The following HHIP variants were observed in gnomAD, a reference collection of about 807,000 sequenced individuals.
HHIP encodes the protein hedgehog interacting protein.
A neutral mutation model predicts 74.0 loss-of-function variants in HHIP; 12 were observed. That is an observed-to-expected ratio of 0.16 (90% CI 0.10 to 0.26). The LOEUF is 0.26. Among genes scored for constraint, HHIP ranks in the 10% least tolerant of loss-of-function variants. The probability of loss-of-function intolerance (pLI) is 1.00; values close to 1 mark genes in which losing one functional copy is unlikely to be tolerated. For missense variants in HHIP, 788 were observed against 845.0 expected, an observed-to-expected ratio of 0.93 and a Z score of 0.84; for synonymous variants, 309 against 311.6, an observed-to-expected ratio of 0.99 and a Z score of 0.09.
At chr4:144,695,682 G>GA (rs1407073118) in intron 4 of HHIP, among the ~76,000 whole-genome samples, 1 of 151,500 alleles carries the variant, frequency 6.6e-6, no homozygotes, top group Non-Finnish European at 1.5e-5. Flanking sequence ...ATATTTTAAT[G>GA]AAAAAACGAT....
intron 7 of HHIP, among the ~76,000 whole-genome samples, chr4:144,710,780 A>G (rs898240312): frequency 1.3e-5 from 2 of 152,178 alleles, no homozygotes; most frequent in African/African-American, 2.4e-5. Context: ...TAAACACCCT[A>G]CAGTTGGCAG....
At chr4:144,656,918 A>C (rs544812774) in intron 2 of HHIP, among the ~76,000 whole-genome samples, 2 of 152,064 alleles carry the variant, frequency 1.3e-5, no homozygotes, top group African/African-American at 4.8e-5. Flanking sequence ...ATTTTTTTTC[A>C]AAGAAAAATA....
Position 144,646,672 on chromosome 4 carries a change from G to GA in HHIP, c.-3dup. The GA allele has an allele frequency of 6.2e-7, 1 of 1,613,578 alleles. No individual in the cohort carries two copies. ...CGCCCAGCCCCTGCTGCTCTGGGCAGACGATGCTGAAGATGCTCTCCTTTA... is the reference window on the plus strand; with the variant it reads ...CGCCCAGCCCCTGCTGCTCTGGGCAGAACGATGCTGAAGATGCTCTCCTTTA... On this transcript the variant is annotated 5_prime_UTR_variant, in exon 1 of 13. Transcript: ENST00000296575.
chr4:144,707,469 T>C (rs977555154), intron 6 of HHIP, among the ~76,000 whole-genome samples: 9 of 152,052 alleles, frequency 5.9e-5, no homozygotes, highest in African/African-American at 2.2e-4. Flanking sequence ...AAAGAGTTAC[T>C]GTTGTGTAGT....
chr4:144,721,586 T>C (rs1246567301), intron 11 of HHIP, among the ~76,000 whole-genome samples: 1 of 133,074 alleles, frequency 7.5e-6, no homozygotes, highest in Non-Finnish European at 1.6e-5. Context: ...ACTCAGGAGT[T>C]ATTTAAGGAA....
intron 4 of HHIP, among the ~76,000 whole-genome samples, chr4:144,684,015 A>T (rs1729412827): frequency 6.6e-6 from 1 of 150,626 alleles, no homozygotes; most frequent in African/African-American, 2.4e-5. Context: ...GTGAGCTGAG[A>T]TTGCACCACT....
intron 4 of HHIP, among the ~76,000 whole-genome samples, chr4:144,686,941 T>C (rs1233469592): frequency 6.6e-6 from 1 of 151,900 alleles, no homozygotes; most frequent in African/African-American, 2.4e-5. Flanking sequence ...TTAGCCTCTA[T>C]TTATTTCCAA....
At chr4:144,649,061 T>C (rs1287483898) in intron 1 of HHIP, among the ~76,000 whole-genome samples, 4 of 152,214 alleles carry the variant, frequency 2.6e-5, no homozygotes, top group African/African-American at 9.6e-5. Flanking sequence ...TCTTGACCTA[T>C]GTTAGTTTTC....
At position 144,740,445 on chromosome 4, in the gene HHIP, A is replaced by T. The variant is rs1193845404; in HGVS notation, c.*2488A>T. The T allele has an allele frequency of 1.3e-5, 2 of 152,178 alleles. No individual in the cohort carries two copies. Among genetic ancestry groups the T allele is most frequent in the Non-Finnish European group, 2.9e-5 (2 of 68,026 alleles). The allele number at this position is 152,178 out of a possible 1,614,324, so 9.4% of individuals were successfully genotyped here. A position where few individuals can be genotyped will look rare whatever the true frequency, so the allele number is the denominator to read the frequency against. On this transcript the variant is annotated 3_prime_UTR_variant, in exon 13 of 13. Transcript: ENST00000296575. ...AATGAAAGGCCAAGTTCTTCTCAAG[A>T]GAAGATAGCAAGATCCACGGATATT...
At chr4:144,675,673 T>C (rs889083938) in intron 4 of HHIP, among the ~76,000 whole-genome samples, 28 of 152,152 alleles carry the variant, frequency 1.8e-4, no homozygotes, top group Non-Finnish European at 4.4e-5. Flanking sequence ...ACATTTCATA[T>C]GTATATATAC....
At chr4:144,697,601 C>T (rs959563036) in intron 4 of HHIP, among the ~76,000 whole-genome samples, 8 of 151,834 alleles carry the variant, frequency 5.3e-5, no homozygotes, top group Non-Finnish European at 7.4e-5. Context: ...TCTAATATGC[C>T]GTAATGTATC....
chr4:144,718,422 T>G (rs890604582), intron 10 of HHIP, among the ~76,000 whole-genome samples: 2 of 152,152 alleles, frequency 1.3e-5, no homozygotes, highest in Admixed American at 1.3e-4. Context: ...ATGTTGCAGA[T>G]GAGGTTATAG....
intron 7 of HHIP, among the ~76,000 whole-genome samples, chr4:144,710,350 T>C (rs1300194754): frequency 3.9e-5 from 6 of 152,200 alleles, no homozygotes; most frequent in Non-Finnish European, 7.4e-5. Context: ...CTGTGAATCA[T>C]TGAACTAGAG....
At chr4:144,725,858 C>T (rs1459558979) in intron 11 of HHIP, among the ~76,000 whole-genome samples, 1 of 151,854 alleles carries the variant, frequency 6.6e-6, no homozygotes, top group Non-Finnish European at 1.5e-5. Context: ...TTTGTAGAGA[C>T]GGGGGTTTCA....
At chr4:144,665,812 C>G (rs1482787259) in intron 4 of HHIP, among the ~76,000 whole-genome samples, 1 of 152,166 alleles carries the variant, frequency 6.6e-6, no homozygotes, top group African/African-American at 2.4e-5. Flanking sequence ...CCATGTTTCT[C>G]CAGTTGAGTA....
intron 4 of HHIP, among the ~76,000 whole-genome samples, chr4:144,686,124 G>T (rs1235778369): frequency 6.6e-6 from 1 of 152,208 alleles, no homozygotes; most frequent in Non-Finnish European, 1.5e-5. Flanking sequence ...ACAGCTTGTT[G>T]CTGAAGCATA....
In HHIP at chr4:144,659,695, G is replaced by A. The variant is rs147080443; in HGVS notation, c.688G>A (p.Val230Ile). 21 of 1,581,632 alleles carry A rather than the reference G, an allele frequency of 1.3e-5. No individual in the cohort carries two copies. The Admixed American group carries it at 2.3e-4, about 17-fold the overall frequency. Residue 230 changes from valine (V) to isoleucine (I), a missense_variant, in exon 4 of 13, where the codon GTT becomes ATT. By Grantham distance (29) the Val-to-Ile change is conservative (BLOSUM62 3). This residue lies in a region of HHIP where 373 missense variants were observed against 366.4 expected (regional missense o/e 1.02). Transcript: ENST00000296575. ...GGTTGTGAGTGGGCTGCGGCAGCCCGTTGGTGCCCTGCATAGTGGGGATGG... is the reference window on the plus strand; with the variant it reads ...GGTTGTGAGTGGGCTGCGGCAGCCCATTGGTGCCCTGCATAGTGGGGATGG... ...QEVVSGLRQP[V>I]GALHSGDGSQ...
intron 7 of HHIP, among the ~76,000 whole-genome samples, chr4:144,709,198 A>T (rs1248696455): frequency 6.6e-6 from 1 of 152,154 alleles, no homozygotes; most frequent in Non-Finnish European, 1.5e-5. Context: ...ATAATCCCTC[A>T]TGCCCTTCAT....
chr4:144,732,320 A>G (rs1271915799), intron 11 of HHIP, among the ~76,000 whole-genome samples: 1 of 152,226 alleles, frequency 6.6e-6, no homozygotes, highest in East Asian at 1.9e-4. Context: ...CAATGTTTGT[A>G]TATTACAGCC....
Sources: allele counts gnomAD v4.1 joint callset (sites outside exome capture counted in the v4.1 genomes callset), GRCh38; gene constraint gnomAD v4.1.1; regional missense constraint gnomAD v4.1.1; transcripts MANE v1.5; gene names NCBI Gene and HGNC (gene_info 2026-07-23, HGNC 2026-07-21).